Variants in NTM observed in about 807,000 individuals in gnomAD.
NTM encodes the protein IgLON family member 2.
In NTM, 13 loss-of-function variants were observed where a neutral mutation model predicts 42.1. That is an observed-to-expected ratio of 0.31 (90% CI 0.20 to 0.49). The LOEUF is 0.49. Ranked by LOEUF, NTM falls within the 20% of genes least tolerant of loss-of-function variation. The probability of loss-of-function intolerance (pLI) is 0.99; values close to 1 mark genes in which losing one functional copy is unlikely to be tolerated. For synonymous variants in NTM, 187 were observed against 179.2 expected, an observed-to-expected ratio of 1.04 and a Z score of -0.35; for missense variants, 373 against 452.8, an observed-to-expected ratio of 0.82 and a Z score of 1.60.
At chr11:131,677,685 C>A (rs1342395702) in intron 1 of NTM, among the ~76,000 whole-genome samples, 1 of 152,174 alleles carries the variant, frequency 6.6e-6, no homozygotes, top group Non-Finnish European at 1.5e-5. Context: ...TCATAAGAAC[C>A]CAGAAAGTTC....
At chr11:131,849,159 G>A (rs1370294007) in intron 1 of NTM, among the ~76,000 whole-genome samples, 2 of 152,178 alleles carry the variant, frequency 1.3e-5, no homozygotes, top group Admixed American at 1.3e-4. Context: ...AGGATTTAGA[G>A]GAAGATAGTG....
At chr11:132,298,561 C>T (rs74327007) in intron 4 of NTM, among the ~76,000 whole-genome samples, 2,210 of 152,298 alleles carry the variant, frequency 0.015, 22 homozygotes, top group Non-Finnish European at 0.022. Flanking sequence ...CAAAGAAAAC[C>T]CACGTCATGT....
chr11:132,325,161 C>G (rs903327208), intron 7 of NTM, among the ~76,000 whole-genome samples: 1 of 152,128 alleles, frequency 6.6e-6, no homozygotes, highest in South Asian at 2.1e-4. Context: ...AAAGCCAAAA[C>G]TGACAAATAG....
chr11:132,335,954 C>T lies in NTM; in HGVS notation c.*808C>T, dbSNP rs2095869267. On this transcript the variant is annotated 3_prime_UTR_variant, in exon 9 of 9. Transcript: ENST00000683400. ...AACTAGGTTTACAACTGGTGGACCA[C>T]ACACCAGGCACTAATCACCTGGTGA... is the stretch of plus-strand genomic sequence containing the variant. The T allele has an allele frequency of 6.6e-6, 1 of 152,550 alleles. No individual in the cohort carries two copies. The highest frequency in any genetic ancestry group is 1.5e-5 in the Non-Finnish European group (1 of 68,030). The allele number at this position is 152,550 out of a possible 1,614,324, so 9.4% of individuals were successfully genotyped here.
chr11:132,125,744 GTGCGTGTATTTTGTGTGTTGT>G, intron 2 of NTM, among the ~76,000 whole-genome samples: 1 of 7,778 alleles, frequency 1.3e-4, no homozygotes, highest in Admixed American at 1.1e-3. Context: ...GTGGTATGTG[GTGCGTGTATTTTGTGTGTTGT>G]GGTATATGGT....
chr11:132,124,714 T>C (rs1377082278), intron 2 of NTM, among the ~76,000 whole-genome samples: 1 of 152,248 alleles, frequency 6.6e-6, no homozygotes, highest in African/African-American at 2.4e-5. Flanking sequence ...TGGTGTCTCA[T>C]GCATGTAATT....
chr11:131,753,637 C>T (rs1280949430), intron 1 of NTM, among the ~76,000 whole-genome samples: 2 of 149,720 alleles, frequency 1.3e-5, no homozygotes, highest in African/African-American at 5.1e-5. Flanking sequence ...TAAACTATCC[C>T]AAGAACAAAA....
chr11:131,371,209 G>A (rs1941127725), intron 1 of NTM: 1 of 561,824 alleles, frequency 1.8e-6, no homozygotes, highest in African/African-American at 2.0e-5. Flanking sequence ...ACACATGTAA[G>A]CAGGGGGAAA....
chr11:131,893,911 A>T (rs2051794164), intron 1 of NTM, among the ~76,000 whole-genome samples: 1 of 152,182 alleles, frequency 6.6e-6, no homozygotes, highest in Non-Finnish European at 1.5e-5. Flanking sequence ...GGCCTGGAAG[A>T]GGGCGCATGT....
chr11:132,084,926 G>T (rs545803814), intron 2 of NTM, among the ~76,000 whole-genome samples: 1 of 152,264 alleles, frequency 6.6e-6, no homozygotes, highest in East Asian at 1.9e-4. Flanking sequence ...TAACCAGCTT[G>T]ACCATGAGCT....
At chr11:132,215,973 G>A (rs1310244788) in intron 4 of NTM, among the ~76,000 whole-genome samples, 1 of 152,222 alleles carries the variant, frequency 6.6e-6, no homozygotes, top group South Asian at 2.1e-4. Flanking sequence ...GGCACCGTTG[G>A]TGGAACCCTA....
intron 2 of NTM, among the ~76,000 whole-genome samples, chr11:132,129,801 G>C (rs1273348910): frequency 1.3e-5 from 2 of 152,214 alleles, no homozygotes; most frequent in Non-Finnish European, 2.9e-5. Flanking sequence ...GTACCAAATG[G>C]ATACAGCCTC....
Position 132,235,095 on chromosome 11 carries a change from A to G in NTM, c.526+22948A>G, listed in dbSNP as rs548306310. Among the ~76,000 whole-genome samples, 3 of 152,318 alleles carry G rather than the reference A, an allele frequency of 2.0e-5. No individual in the cohort carries two copies. The East Asian group carries it at 5.8e-4, about 29-fold the overall frequency. ...TTGTAGCAGCAGTCTGACTCATGAC[A>G]TTCCCTAGTTGTCAATGGGATGAAT... On this transcript the variant is annotated intron_variant, in intron 4 of 8. Transcript: ENST00000683400.
intron 1 of NTM, among the ~76,000 whole-genome samples, chr11:131,445,700 T>C (rs998502918): frequency 1.3e-5 from 2 of 152,208 alleles, no homozygotes; most frequent in Non-Finnish European, 2.9e-5. Context: ...CTGGCAAGCA[T>C]TCACAATTCC....
intron 2 of NTM, among the ~76,000 whole-genome samples, chr11:132,061,507 TA>T (rs987719378): frequency 1.3e-5 from 2 of 152,246 alleles, no homozygotes; most frequent in African/African-American, 4.8e-5. Flanking sequence ...TGTGTTAAAT[TA>T]AATTGAGTTA....
chr11:131,477,189 G>A (rs926577071), intron 1 of NTM, among the ~76,000 whole-genome samples: 1 of 152,142 alleles, frequency 6.6e-6, no homozygotes, highest in African/African-American at 2.4e-5. Flanking sequence ...ATTTGTATCA[G>A]TGTGATCACA....
chr11:132,155,632 G>A (rs1591871452), intron 3 of NTM, among the ~76,000 whole-genome samples: 2 of 152,318 alleles, frequency 1.3e-5, no homozygotes, highest in South Asian at 4.1e-4. Context: ...TTTTGTTTGG[G>A]CATGTTTTAT....
intron 2 of NTM, among the ~76,000 whole-genome samples, chr11:132,128,085 G>T (rs866166784): frequency 6.6e-6 from 1 of 152,160 alleles, no homozygotes; most frequent in African/African-American, 2.4e-5. Context: ...TTGGCAGAAG[G>T]CTGTCTGGGG....
At chr11:131,821,421 C>G (rs1332032582) in intron 1 of NTM, among the ~76,000 whole-genome samples, 1 of 152,188 alleles carries the variant, frequency 6.6e-6, no homozygotes, top group African/African-American at 2.4e-5. Flanking sequence ...CACTCTGTTT[C>G]CATGGTTGCT....
Sources: gnomAD v4.1 joint callset for allele counts (sites outside exome capture counted in the v4.1 genomes callset) on GRCh38, gnomAD v4.1.1 for gene constraint, MANE v1.5 for transcripts, NCBI Gene and HGNC (gene_info 2026-07-23, HGNC 2026-07-21) for gene names.